Variants in AKT3 observed in about 807,000 individuals in gnomAD.
AKT3 encodes AKT serine/threonine kinase 3.
A neutral mutation model predicts 65.3 loss-of-function variants in AKT3; 15 were observed. The observed-to-expected ratio is 0.23, with a 90% CI of 0.15 to 0.35. AKT3 has a LOEUF of 0.35. Among genes scored for constraint, AKT3 ranks in the 10% least tolerant of loss-of-function variants. The pLI, the probability that AKT3 is intolerant of heterozygous loss-of-function variation, is 1.00. For synonymous variants in AKT3, 206 were observed against 183.8 expected, an observed-to-expected ratio of 1.12 and a Z score of -0.98; for missense variants, 243 against 576.5, an observed-to-expected ratio of 0.42 and a Z score of 5.92.
intron 2 of AKT3, among the ~76,000 whole-genome samples, chr1:243,728,514 A>G (rs1243574076): frequency 6.6e-6 from 1 of 152,202 alleles, no homozygotes; most frequent in East Asian, 1.9e-4. Flanking sequence ...ATGGTGTGCT[A>G]ATGCATCATA....
chr1:243,825,057 G>A lies in AKT3; in HGVS notation c.46+18068C>T, dbSNP rs187588176. Among the ~76,000 whole-genome samples, 24 of 152,292 alleles carry A rather than the reference G, an allele frequency of 1.6e-4. 1 individual carries two copies. The highest frequency in any genetic ancestry group is 5.2e-4 in the Admixed American group (8 of 15,290). ...GAAAATGTGGTACATATACACCATG[G>A]AATACTATATAGCCATAAAAAGGAA... On this transcript the variant is annotated intron_variant, in intron 2 of 13. Transcript: ENST00000673466.
At chr1:243,506,937 A>G (rs908436923) in intron 13 of AKT3, among the ~76,000 whole-genome samples, 2 of 152,254 alleles carry the variant, frequency 1.3e-5, no homozygotes, top group Non-Finnish European at 2.9e-5. Flanking sequence ...GGAGCTGGGA[A>G]TGATGGTGTA....
At chr1:243,587,270 A>G (rs533386640) in intron 8 of AKT3, among the ~76,000 whole-genome samples, 1 of 152,372 alleles carries the variant, frequency 6.6e-6, no homozygotes, top group East Asian at 1.9e-4. Context: ...AGATAGCAAG[A>G]TAATTTTTAA....
intron 6 of AKT3, among the ~76,000 whole-genome samples, chr1:243,628,637 T>C (rs900350932): frequency 1.3e-5 from 2 of 152,294 alleles, no homozygotes; most frequent in Middle Eastern, 3.4e-3. Flanking sequence ...TTTGGAACCA[T>C]CTGTAAAGCT....
chr1:243,774,134 A>T (rs186129491), intron 2 of AKT3, among the ~76,000 whole-genome samples: 1 of 152,354 alleles, frequency 6.6e-6, no homozygotes, highest in Admixed American at 6.5e-5. Flanking sequence ...GTCCCATCTA[A>T]CAGAATAAGC....
Position 243,504,933 on chromosome 1 carries a change from A to C in AKT3, c.*316T>G. On this transcript the variant is annotated 3_prime_UTR_variant, in exon 14 of 14. Transcript: ENST00000673466. ...ATCAAAAGATGATAATTGGTGCACA[A>C]ATGAACAATGGTGGGCTCATGACTT... is the stretch of plus-strand genomic sequence containing the variant. 1 of 323,486 alleles carries C rather than the reference A, an allele frequency of 3.1e-6. No individual in the cohort carries two copies. The highest frequency in any genetic ancestry group is 5.6e-6 in the Non-Finnish European group (1 of 177,794). The allele number at this position is 323,486 out of a possible 1,614,324, so 20.0% of individuals were successfully genotyped here. A position where few individuals can be genotyped will look rare whatever the true frequency, so the allele number is the denominator to read the frequency against.
intron 10 of AKT3, among the ~76,000 whole-genome samples, chr1:243,563,308 A>G (rs1036159783): frequency 2.6e-4 from 39 of 152,236 alleles, no homozygotes; most frequent in African/African-American, 9.2e-4. Context: ...TTTTCCCAAT[A>G]AAATAATTTT....
intron 12 of AKT3, among the ~76,000 whole-genome samples, chr1:243,542,953 G>C (rs1418277395): frequency 6.6e-6 from 1 of 152,040 alleles, no homozygotes; most frequent in African/African-American, 2.4e-5. Context: ...ACCAATCCAC[G>C]ACCAATCTAT....
At chr1:243,790,633 C>T (rs1244925249) in intron 2 of AKT3, among the ~76,000 whole-genome samples, 1 of 152,182 alleles carries the variant, frequency 6.6e-6, no homozygotes, top group Non-Finnish European at 1.5e-5. Flanking sequence ...TTTCCCTTTG[C>T]ATTCACTTGG....
At chr1:243,841,605 TTTG>T (rs1272964999) in intron 2 of AKT3, among the ~76,000 whole-genome samples, 5 of 152,204 alleles carry the variant, frequency 3.3e-5, no homozygotes, top group African/African-American at 1.2e-4. Context: ...AGCTGGGCAG[TTTG>T]TTAAACATAT....
intron 5 of AKT3, among the ~76,000 whole-genome samples, chr1:243,638,804 T>C (rs1006793941): frequency 6.6e-6 from 1 of 151,982 alleles, no homozygotes; most frequent in Non-Finnish European, 1.5e-5. Flanking sequence ...AAATCAATTG[T>C]TTCAGTTTCC....
chr1:243,817,168 T>C (rs1343932811), intron 2 of AKT3, among the ~76,000 whole-genome samples: 2 of 152,148 alleles, frequency 1.3e-5, no homozygotes, highest in African/African-American at 2.4e-5. Context: ...CATTCTACCA[T>C]CTTTTAGTTC....
At chr1:243,663,388 G>T (rs1682525314) in intron 4 of AKT3, among the ~76,000 whole-genome samples, 1 of 151,238 alleles carries the variant, frequency 6.6e-6, no homozygotes, top group African/African-American at 2.4e-5. Context: ...CAAATTGAAA[G>T]CTCAGTATTA....
chr1:243,524,190 A>G (rs1465405534), intron 12 of AKT3, among the ~76,000 whole-genome samples: 1 of 152,260 alleles, frequency 6.6e-6, no homozygotes, highest in Non-Finnish European at 1.5e-5. Flanking sequence ...ACTGTGGTAT[A>G]TGCGGTGTGT....
At chr1:243,826,327 A>G (rs368415786) in intron 2 of AKT3, among the ~76,000 whole-genome samples, 1 of 152,148 alleles carries the variant, frequency 6.6e-6, no homozygotes, top group African/African-American at 2.4e-5. Context: ...CATTAGTTAC[A>G]TTTGCCAAAA....
At chr1:243,723,462 A>G (rs1295807573) in intron 2 of AKT3, among the ~76,000 whole-genome samples, 3 of 152,226 alleles carry the variant, frequency 2.0e-5, no homozygotes, top group Non-Finnish European at 1.5e-5. Flanking sequence ...AATGTTCTCT[A>G]GAAATTATAG....
intron 6 of AKT3, among the ~76,000 whole-genome samples, chr1:243,634,442 A>G (rs1679828799): frequency 6.6e-6 from 1 of 152,052 alleles, no homozygotes. Flanking sequence ...GCTACTATTA[A>G]AAGTAAATTA....
chr1:243,594,013 A>G (rs937610785), intron 8 of AKT3, among the ~76,000 whole-genome samples: 5 of 152,222 alleles, frequency 3.3e-5, no homozygotes, highest in African/African-American at 9.6e-5. Context: ...TAAAACTGCT[A>G]TTATTTACAA....
chr1:243,608,857 A>G (rs1677646867), intron 8 of AKT3, among the ~76,000 whole-genome samples: 1 of 145,732 alleles, frequency 6.9e-6, no homozygotes. Context: ...GGTTCAAGCA[A>G]TTCTCCTGCC....
Sources: allele counts gnomAD v4.1 joint callset (sites outside exome capture counted in the v4.1 genomes callset), GRCh38; gene constraint gnomAD v4.1.1; transcripts MANE v1.5; gene names NCBI Gene and HGNC (gene_info 2026-07-23, HGNC 2026-07-21).